Variants in SPTA1 observed in about 807,000 individuals in gnomAD.
SPTA1 encodes spectrin alpha, erythrocytic 1, also known as spectrin alpha chain, erythrocytic 1.
A neutral mutation model predicts 324.7 loss-of-function variants in SPTA1; 177 were observed. The observed-to-expected ratio is 0.55, with a 90% confidence interval of 0.48 to 0.62. The LOEUF (loss-of-function observed/expected upper bound fraction) is 0.62. Ranked by LOEUF, SPTA1 falls within the 20% of genes least tolerant of loss-of-function variation. The probability of loss-of-function intolerance (pLI) is 0.00; values close to 1 mark genes in which losing one functional copy is unlikely to be tolerated. For synonymous variants in SPTA1, 1,195 were observed against 1,041.3 expected, an observed-to-expected ratio of 1.15 and a Z score of -2.84; for missense variants, 3,162 against 2,883.6, an observed-to-expected ratio of 1.10 and a Z score of -2.21.
In SPTA1 at chr1:158,611,277, T is replaced by C. The variant is rs372942217; in HGVS notation, c.7247A>G (p.Tyr2416Cys). The C allele has an allele frequency of 9.2e-5, 149 of 1,613,512 alleles. No homozygotes were observed. Among genetic ancestry groups the C allele is most frequent in the Non-Finnish European group, 1.1e-4 (131 of 1,179,726 alleles). ...GYDYVGFTNSYFGN is the reference protein window; with the variant it reads ...GYDYVGFTNSCFGN ...AGGAGCTGCTTATTAGTTGCCAAAGTAGGAATTGGTGAAGCCAACGTAGTC... is the reference window on the plus strand; with the variant it reads ...AGGAGCTGCTTATTAGTTGCCAAAGCAGGAATTGGTGAAGCCAACGTAGTC... Residue 2416 changes from tyrosine (Y) to cysteine (C), a missense_variant, in exon 52 of 52, where the codon TAC becomes TGC. Transcript: ENST00000643759.
chr1:158,662,504 T>C (rs562134805), intron 17 of SPTA1, among the ~76,000 whole-genome samples, 198 bp downstream of exon 17: 3 of 152,338 alleles, frequency 2.0e-5, no homozygotes, highest in South Asian at 2.1e-4. Context: ...GCATTGCTCA[T>C]GTCCAGTTTT....
chr1:158,680,931 G>C lies in SPTA1; in HGVS notation c.532-202C>G, dbSNP rs539484927. ...TTGGCACAAGGGAAAGTGCTCTTTCGGGCAGTTCTTTAGCAAGTTTGTGGC... is the reference window on the plus strand; with the variant it reads ...TTGGCACAAGGGAAAGTGCTCTTTCCGGCAGTTCTTTAGCAAGTTTGTGGC... On this transcript the variant is annotated intron_variant, in intron 4 of 51. Coordinates refer to ENST00000643759, the MANE Select transcript of SPTA1 (RefSeq NM_003126.4). Among the ~76,000 whole-genome samples the C allele has an allele frequency of 7.2e-5, 11 of 152,186 alleles. No individual in the cohort carries two copies. The South Asian group carries it at 1.0e-3, about 14-fold the overall frequency.
At chr1:158,644,175 A>C in intron 30 of SPTA1, 78 bp downstream of exon 30, 1 of 1,571,748 alleles carries the variant, frequency 6.4e-7, no homozygotes. Context: ...TATAAATTAT[A>C]AAACCAGACA....
chr1:158,612,020 C>G (rs1649287473), intron 51 of SPTA1: 1 of 155,252 alleles, frequency 6.4e-6, no homozygotes. Flanking sequence ...TTAATGTGTA[C>G]AGTTTGATGA....
intron 42 of SPTA1, among the ~76,000 whole-genome samples, chr1:158,625,103 TA>T (rs1650185689): frequency 1.3e-5 from 2 of 152,126 alleles, no homozygotes; most frequent in South Asian, 4.1e-4. Flanking sequence ...TCAAATTAGA[TA>T]AAGTAATACC....
chr1:158,613,602 C>T (rs1649382668), intron 50 of SPTA1, 119 bp downstream of exon 50: 1 of 1,423,168 alleles, frequency 7.0e-7, no homozygotes, highest in Non-Finnish European at 9.8e-7. Context: ...TTTATGGTTG[C>T]CTATTTCTTC....
Position 158,647,665 on chromosome 1 carries a change from G to A in SPTA1, c.3770C>T (p.Thr1257Ile). 1 of 1,613,914 alleles carries A rather than the reference G, an allele frequency of 6.2e-7. No individual in the cohort carries two copies. The highest frequency in any genetic ancestry group is 8.5e-7 in the Non-Finnish European group (1 of 1,179,934). ...ERLSESHPDA[T>I]EDLQRQKMEL... ...CATTTTCTGTCTCTGCAGGTCCTCA[G>A]TGGCATCTGGATGGGACTCACTGAG... The change falls in exon 27 of 52, where the codon ACT (threonine) becomes ATT (isoleucine). Residue 1257 changes from threonine to isoleucine, a missense_variant. By Grantham distance (89) the Thr-to-Ile change is moderately conservative. Coordinates refer to ENST00000643759, the MANE Select transcript of SPTA1 (RefSeq NM_003126.4).
At chr1:158,655,502 G>C (rs979131513) in intron 20 of SPTA1, among the ~76,000 whole-genome samples, 2 of 151,986 alleles carry the variant, frequency 1.3e-5, no homozygotes, top group African/African-American at 4.8e-5. Context: ...ATCTCCTTTA[G>C]GTAACATGTT....
At chr1:158,684,910 A>G (rs946288018) in intron 2 of SPTA1, among the ~76,000 whole-genome samples, 198 bp downstream of exon 2, 4 of 152,084 alleles carry the variant, frequency 2.6e-5, no homozygotes, top group Non-Finnish European at 5.9e-5. Context: ...CACCTCTCCA[A>G]CTTCATAAGG....
chr1:158,633,774 T>C (rs1294215291), intron 39 of SPTA1, among the ~76,000 whole-genome samples: 1 of 151,772 alleles, frequency 6.6e-6, no homozygotes, highest in Non-Finnish European at 1.5e-5. Context: ...TGCAGTGGGG[T>C]GCACATGCAT....
Position 158,623,051 on chromosome 1 carries a change from C to G in SPTA1, c.6052G>C (p.Glu2018Gln). 6.2e-7 allele frequency: 1 copy of G among 1,614,146 alleles called. No homozygotes were observed. The highest frequency in any genetic ancestry group is 8.5e-7 in the Non-Finnish European group (1 of 1,180,032). ...ERYAALLKRW[E>Q]QLLEASAVHR... ...ACTGCCGAGGCTTCCAGCAACTGTT[C>G]CCAGCGCTTCAGCAGAGCGGCATAA... Residue 2018 changes from glutamate (E) to glutamine (Q), a missense_variant, in exon 43 of 52, where the codon GAA becomes CAA. Transcript: ENST00000643759.
chr1:158,613,257 C>T (rs1649363898), intron 50 of SPTA1, among the ~76,000 whole-genome samples: 1 of 152,076 alleles, frequency 6.6e-6, no homozygotes, highest in Non-Finnish European at 1.5e-5. Flanking sequence ...CCCATCAGCA[C>T]CAGTCCTCAA....
chr1:158,676,112 T>C (rs1437967913), intron 8 of SPTA1, 29 bp downstream of exon 8: 28 of 1,612,874 alleles, frequency 1.7e-5, no homozygotes, highest in South Asian at 2.2e-5. Flanking sequence ...TAGAGATAGG[T>C]AGAGCAATAA....
In SPTA1 at chr1:158,626,915, A is replaced by T. The variant is rs1400945618; in HGVS notation, c.5757T>A (p.Ala1919=). Residue 1919 remains alanine, a synonymous_variant, in exon 41 of 52, where the codon GCT becomes GCA. Transcript: ENST00000643759. ...KTPSLAKAIA[A]WKLQLEDDYA... ...AATCGTCTTCCAATTGCAACTTCCAAGCAGCTATTGCCTTAGCCAGAGAAG... is the reference window on the plus strand; with the variant it reads ...AATCGTCTTCCAATTGCAACTTCCATGCAGCTATTGCCTTAGCCAGAGAAG... 6.2e-7 allele frequency: 1 copy of T among 1,613,960 alleles called. No homozygotes were observed. Among genetic ancestry groups the T allele is most frequent in the Non-Finnish European group, 8.5e-7 (1 of 1,179,872 alleles).
At chr1:158,622,388 A>T (rs1649972029) in intron 43 of SPTA1, among the ~76,000 whole-genome samples, 1 of 152,040 alleles carries the variant, frequency 6.6e-6, no homozygotes, top group South Asian at 2.1e-4. Context: ...TATTATTAAT[A>T]CACACATATT....
intron 3 of SPTA1, among the ~76,000 whole-genome samples, chr1:158,682,050 A>G (rs1654855558): frequency 6.6e-6 from 1 of 152,182 alleles, no homozygotes. Context: ...CAGCAATAGC[A>G]AAGGCATAGG....
At chr1:158,662,489 T>C (rs1236579300) in intron 17 of SPTA1, among the ~76,000 whole-genome samples, 1 of 152,184 alleles carries the variant, frequency 6.6e-6, no homozygotes, top group East Asian at 1.9e-4. Flanking sequence ...GGCCCTAAAT[T>C]CATGGCATTG....
intron 20 of SPTA1, 85 bp from the exon 21 acceptor site, chr1:158,654,833 C>A: frequency 1.3e-6 from 2 of 1,587,640 alleles, no homozygotes; most frequent in Non-Finnish European, 8.6e-7. Context: ...GTCCTTTAGG[C>A]TTCCCAGGAG....
chr1:158,628,831 C>A (rs575243604), intron 39 of SPTA1, among the ~76,000 whole-genome samples: 1 of 151,922 alleles, frequency 6.6e-6, no homozygotes, highest in African/African-American at 2.4e-5. Context: ...ACTAGAATAT[C>A]TAGAGAAAAT....
Sources: gnomAD v4.1 joint callset for allele counts (sites outside exome capture counted in the v4.1 genomes callset) on GRCh38, gnomAD v4.1.1 for gene constraint, MANE v1.5 for transcripts, NCBI Gene and HGNC (gene_info 2026-07-23, HGNC 2026-07-21) for gene names.